The following TAFA2 variants were observed in gnomAD, a reference collection of about 807,000 sequenced individuals.
TAFA2 encodes chemokine-like protein TAFA-2.
In TAFA2, 7 loss-of-function variants were observed where a neutral mutation model predicts 18.8. That is an observed-to-expected ratio of 0.37 (90% CI 0.21 to 0.70). The LOEUF is 0.70. TAFA2 is among the 30% of genes least tolerant of loss of function. TAFA2 has a pLI of 0.53. For missense variants in TAFA2, 122 were observed against 158.1 expected (o/e 0.77, Z 1.23); for synonymous variants, 60 against 54.2 (o/e 1.11, Z -0.47).
At chr12:62,089,345 C>G (rs1868609568) in intron 1 of TAFA2, among the ~76,000 whole-genome samples, 1 of 151,994 alleles carries the variant, frequency 6.6e-6, no homozygotes, top group Admixed American at 6.6e-5. Flanking sequence ...ACCTGCTACC[C>G]ATAATTTTCA....
chr12:62,178,944 C>T (rs2062533429), intron 1 of TAFA2, among the ~76,000 whole-genome samples: 1 of 152,192 alleles, frequency 6.6e-6, no homozygotes, highest in South Asian at 2.1e-4. Flanking sequence ...CTGGCATTCA[C>T]TGTCTGTATG....
chr12:62,171,296 A>G (rs2062476502), intron 1 of TAFA2, among the ~76,000 whole-genome samples: 1 of 152,100 alleles, frequency 6.6e-6, no homozygotes, highest in South Asian at 2.1e-4. Flanking sequence ...TTTGTGTTCC[A>G]CTCTACTAAA....
intron 2 of TAFA2, among the ~76,000 whole-genome samples, chr12:61,807,307 A>C (rs978982172): frequency 6.6e-6 from 1 of 151,330 alleles, no homozygotes; most frequent in African/African-American, 2.5e-5. Context: ...AAGCCTTGGC[A>C]ACTTCCATGT....
chr12:61,715,175 C>A lies in TAFA2; in HGVS notation c.385-4758G>T, dbSNP rs186365973. ...TGGAGGGCGGTATTACTTCTTATTT[C>A]TCTAAAAATATTGACTTAATTTTCT... On this transcript the variant is annotated intron_variant, in intron 4 of 4. Coordinates refer to ENST00000416284, the MANE Select transcript of TAFA2 (RefSeq NM_178539.5). Among the ~76,000 whole-genome samples the A allele has an allele frequency of 2.6e-5, 4 of 152,156 alleles. No homozygotes were observed. The East Asian group carries it at 7.7e-4, about 29-fold the overall frequency.
intron 1 of TAFA2, among the ~76,000 whole-genome samples, chr12:62,026,526 T>C (rs1881315797): frequency 6.6e-6 from 1 of 152,146 alleles, no homozygotes; most frequent in Admixed American, 6.5e-5. Context: ...CCAGCTCAAC[T>C]TGACCTTTCA....
At chr12:61,917,143 G>A (rs530191120) in intron 1 of TAFA2, among the ~76,000 whole-genome samples, 46 of 152,336 alleles carry the variant, frequency 3.0e-4, no homozygotes, top group African/African-American at 1.0e-3. Context: ...ACTGTCAGGA[G>A]AGCCTGGCAG....
chr12:61,873,693 A>G (rs1362911990), intron 1 of TAFA2, among the ~76,000 whole-genome samples: 1 of 152,212 alleles, frequency 6.6e-6, no homozygotes, highest in Non-Finnish European at 1.5e-5. Context: ...TAATACAAAT[A>G]ACCTACTAAA....
chr12:61,895,856 T>C (rs1006960545), intron 1 of TAFA2, among the ~76,000 whole-genome samples: 1 of 152,100 alleles, frequency 6.6e-6, no homozygotes, highest in Non-Finnish European at 1.5e-5. Context: ...AAGTAAAATA[T>C]AACCAGTAAT....
In TAFA2 at chr12:62,038,432, A is replaced by G. The variant is rs377423545; in HGVS notation, c.-2+152827T>C. On this transcript the variant is annotated intron_variant, in intron 1 of 4. Transcript: ENST00000416284. ...AATATTCAGAAAAGAAAAGCATTAC[A>G]ATAAAAAATACAAACTATAAAAACT... 2.1e-4 allele frequency among the ~76,000 whole-genome samples: 32 copies of G among 152,330 alleles called. No homozygotes were observed. In the East Asian group the frequency reaches 5.0e-3, roughly 24 times the overall value.
At position 62,106,694 on chromosome 12, in the gene TAFA2, C is replaced by T. The variant is rs1370243161; in HGVS notation, c.-2+84565G>A. On this transcript the variant is annotated intron_variant, in intron 1 of 4. Coordinates refer to ENST00000416284, the MANE Select transcript of TAFA2 (RefSeq NM_178539.5). ...CTTTAGTATACTCCCCTTTAATTTA[C>T]ATGAAAAGAGAAGCTGTTTCTCCAA... Among the ~76,000 whole-genome samples the T allele has an allele frequency of 1.3e-5, 2 of 152,162 alleles. 1 individual carries two copies. Among genetic ancestry groups the T allele is most frequent in the South Asian group, 4.1e-4 (2 of 4,836 alleles).
chr12:61,751,538 TAAAAG>T (rs575766082), intron 4 of TAFA2, among the ~76,000 whole-genome samples: 103 of 152,094 alleles, frequency 6.8e-4, no homozygotes, highest in African/African-American at 2.5e-3. Context: ...GAGGGTATCT[TAAAAG>T]AAACTAAATC....
chr12:62,249,722 AT>A (rs2062903319), intron 1 of TAFA2, among the ~76,000 whole-genome samples: 1 of 152,134 alleles, frequency 6.6e-6, no homozygotes, highest in African/African-American at 2.4e-5. Context: ...AACACCAGAT[AT>A]TTCGCTGGGT....
chr12:61,788,975 C>A (rs1592389349), intron 2 of TAFA2, among the ~76,000 whole-genome samples: 1 of 151,750 alleles, frequency 6.6e-6, no homozygotes, highest in Non-Finnish European at 1.5e-5. Context: ...TTTATCTTCG[C>A]CCACATTTTG....
chr12:61,856,940 G>C (rs1214167738), intron 2 of TAFA2, among the ~76,000 whole-genome samples: 1 of 151,622 alleles, frequency 6.6e-6, no homozygotes, highest in Non-Finnish European at 1.5e-5. Context: ...CAAAAAGTGA[G>C]AAAGTAAGAC....
chr12:61,978,391 G>T (rs996080715), intron 1 of TAFA2, among the ~76,000 whole-genome samples: 2 of 151,930 alleles, frequency 1.3e-5, no homozygotes, highest in African/African-American at 4.8e-5. Flanking sequence ...ACAAATTAAT[G>T]TCACAATATT....
chr12:61,915,884 C>G (rs1317835314), intron 1 of TAFA2, among the ~76,000 whole-genome samples: 2 of 152,192 alleles, frequency 1.3e-5, no homozygotes, highest in Admixed American at 1.3e-4. Context: ...AATCCCAATT[C>G]TAATCTCTTC....
intron 1 of TAFA2, among the ~76,000 whole-genome samples, chr12:62,201,677 T>C (rs1280905765): frequency 2.0e-5 from 3 of 152,222 alleles, no homozygotes; most frequent in East Asian, 1.9e-4. Context: ...ATCAGGGACA[T>C]TGGCCTGAAC....
At chr12:62,004,784 T>G (rs374688815) in intron 1 of TAFA2, among the ~76,000 whole-genome samples, 6 of 152,164 alleles carry the variant, frequency 3.9e-5, no homozygotes, top group South Asian at 2.1e-4. Context: ...AAAATAAGTG[T>G]CTATCGACGG....
intron 4 of TAFA2, among the ~76,000 whole-genome samples, chr12:61,741,484 G>A (rs1868446587): frequency 2.0e-5 from 3 of 152,026 alleles, no homozygotes; most frequent in Admixed American, 2.0e-4. Flanking sequence ...TTGACATCAT[G>A]GAATATAATA....
Sources: allele counts gnomAD v4.1 joint callset (sites outside exome capture counted in the v4.1 genomes callset), GRCh38; gene constraint gnomAD v4.1.1; transcripts MANE v1.5; gene names NCBI Gene and HGNC (gene_info 2026-07-23, HGNC 2026-07-21).